Variants in HACE1 observed in about 807,000 individuals in gnomAD.
HACE1 encodes E3 ubiquitin-protein ligase HACE1.
A neutral mutation model predicts 118.4 loss-of-function variants in HACE1; 73 were observed. The ratio of observed to expected loss-of-function variants is 0.62; its 90% CI spans 0.51 to 0.75. HACE1 has a LOEUF of 0.75. HACE1 is among the 30% of genes least tolerant of loss of function. The pLI is 0.00. For synonymous variants in HACE1, 368 were observed against 374.8 expected, an observed-to-expected ratio of 0.98 and a Z score of 0.21; for missense variants, 749 against 1,102.2, an observed-to-expected ratio of 0.68 and a Z score of 4.54.
At position 104,850,953 on chromosome 6, in the gene HACE1, A is replaced by G. The variant is rs1369976684; in HGVS notation, c.175T>C (p.Tyr59His). ...CTTCTTTTCACACGTCCGAATGCATAATTGACATCAAATTTTGAATTTGAT... is the reference window on the plus strand; with the variant it reads ...CTTCTTTTCACACGTCCGAATGCATGATTGACATCAAATTTTGAATTTGAT... The part of the protein sequence containing the change: ...LLSNSKFDVN[Y>H]AFGRVKRSLL... The change falls in exon 3 of 24, where the codon TAT becomes CAT. Residue 59 changes from tyrosine to histidine, a missense_variant. Physicochemically the swap from Tyr to His is moderately conservative, Grantham distance 83. Coordinates refer to ENST00000262903, the MANE Select transcript of HACE1 (RefSeq NM_020771.4). 6.2e-7 allele frequency: 1 copy of G among 1,610,266 alleles called. No individual in the cohort carries two copies. Among genetic ancestry groups the G allele is most frequent in the Non-Finnish European group, 8.5e-7 (1 of 1,176,424 alleles).
At chr6:104,846,556 A>G (rs377316853) in intron 4 of HACE1, among the ~76,000 whole-genome samples, 99 of 152,212 alleles carry the variant, frequency 6.5e-4, no homozygotes, top group African/African-American at 2.2e-3. Flanking sequence ...TTTGGAAAGG[A>G]GGACAATCCA....
intron 7 of HACE1, among the ~76,000 whole-genome samples, chr6:104,801,652 A>G (rs1221219595): frequency 3.9e-5 from 6 of 152,236 alleles, no homozygotes; most frequent in Non-Finnish European, 8.8e-5. Flanking sequence ...AATCCTTTAC[A>G]GACATGCAAA....
At chr6:104,744,359 T>G in intron 21 of HACE1, 129 bp from the exon 22 acceptor site, 1 of 824,288 alleles carries the variant, frequency 1.2e-6, no homozygotes, top group Non-Finnish European at 2.1e-6. Context: ...AATGATTTCA[T>G]GCAAAGCTTT....
In HACE1 at chr6:104,741,331, T is replaced by A. The variant is rs1299667981; in HGVS notation, c.2513+2829A>T. Among the ~76,000 whole-genome samples the A allele has an allele frequency of 3.0e-4, 44 of 146,354 alleles. No homozygotes were observed. The South Asian group carries it at 9.4e-3, about 31-fold the overall frequency. Reference sequence around the variant, plus strand: ...CCAGGGCAATTAGGCAGGAGAAGGATATAAAGGGTATTCAATTAGGAAAAG... The same window carrying A: ...CCAGGGCAATTAGGCAGGAGAAGGAAATAAAGGGTATTCAATTAGGAAAAG... On this transcript the variant is annotated intron_variant, in intron 22 of 23. Transcript: ENST00000262903.
chr6:104,757,806 T>C lies in HACE1; in HGVS notation c.2212-7334A>G, dbSNP rs1778890810. 1.3e-5 allele frequency among the ~76,000 whole-genome samples: 2 copies of C among 152,058 alleles called. 1 individual carries two copies. Among genetic ancestry groups the C allele is most frequent in the South Asian group, 4.1e-4 (2 of 4,820 alleles). On this transcript the variant is annotated intron_variant, in intron 19 of 23. Coordinates refer to ENST00000262903, the MANE Select transcript of HACE1 (RefSeq NM_020771.4). ...GGAAGCTAAAAACCTTGAAAAAAGG[T>C]TAAACGAATGGCTAACTAGAATAAC...
chr6:104,766,619 T>A (rs1780042058), intron 19 of HACE1, among the ~76,000 whole-genome samples: 1 of 152,206 alleles, frequency 6.6e-6, no homozygotes, highest in Admixed American at 6.5e-5. Flanking sequence ...TAAAACCATA[T>A]TAAAATGAAA....
chr6:104,742,458 T>C (rs1158328189), intron 22 of HACE1, among the ~76,000 whole-genome samples: 2 of 150,574 alleles, frequency 1.3e-5, no homozygotes, highest in African/African-American at 4.9e-5. Context: ...CTCAAACAAA[T>C]TTACAAGAAA....
chr6:104,775,526 A>G (rs1052537990), intron 17 of HACE1, among the ~76,000 whole-genome samples: 3 of 152,242 alleles, frequency 2.0e-5, no homozygotes, highest in African/African-American at 7.2e-5. Context: ...GTAGACTTAG[A>G]ATAAAGGATA....
At chr6:104,773,973 G>A (rs2114725559) in intron 17 of HACE1, among the ~76,000 whole-genome samples, 1 of 151,138 alleles carries the variant, frequency 6.6e-6, no homozygotes, top group African/African-American at 2.4e-5. Context: ...AATAATAATA[G>A]CATATAATAT....
intron 22 of HACE1, among the ~76,000 whole-genome samples, chr6:104,737,712 G>C (rs903119593): frequency 6.6e-6 from 1 of 152,204 alleles, no homozygotes; most frequent in African/African-American, 2.4e-5. Flanking sequence ...TAGCACAGCA[G>C]TCTGAGACCA....
chr6:104,822,797 C>G (rs2115029186), intron 6 of HACE1, among the ~76,000 whole-genome samples: 1 of 152,142 alleles, frequency 6.6e-6, no homozygotes, highest in South Asian at 2.1e-4. Context: ...GCGGAGGTTG[C>G]AGTGAGCGGA....
At chr6:104,852,552 C>T (rs1776350354) in intron 1 of HACE1, among the ~76,000 whole-genome samples, 181 bp from the exon 2 acceptor site, 1 of 152,156 alleles carries the variant, frequency 6.6e-6, no homozygotes. Context: ...AATCTTTCAT[C>T]CCCTCCACTG....
intron 19 of HACE1, among the ~76,000 whole-genome samples, chr6:104,758,304 G>A (rs1312893511): frequency 1.3e-5 from 2 of 152,124 alleles, no homozygotes; most frequent in African/African-American, 4.8e-5. Context: ...AGAGAGAAAG[G>A]TCGGGTTACC....
rs1006112143 is a variant in HACE1 at position 104,851,133 on chromosome 6, G to A, written c.132-137C>T. 6.2e-6 allele frequency: 4 copies of A among 650,222 alleles called. No individual in the cohort carries two copies. The African/African-American group carries it at 7.2e-5, about 12-fold the overall frequency. The allele number at this position is 650,222 out of a possible 1,614,324, so 40.3% of individuals were successfully genotyped here. A position where few individuals can be genotyped will look rare whatever the true frequency, so the allele number is the denominator to read the frequency against. Reference sequence around the variant, plus strand: ...AGAGTCTTGCTCTGTCACCAGGCTGGAGTACAGTGGCGAGATCTTGGCTCA... The same window carrying A: ...AGAGTCTTGCTCTGTCACCAGGCTGAAGTACAGTGGCGAGATCTTGGCTCA... On this transcript the variant is annotated intron_variant, in intron 2 of 23. Coordinates refer to ENST00000262903, the MANE Select transcript of HACE1 (RefSeq NM_020771.4).
chr6:104,760,784 G>A (rs1314572897), intron 19 of HACE1, among the ~76,000 whole-genome samples: 1 of 152,122 alleles, frequency 6.6e-6, no homozygotes, highest in African/African-American at 2.4e-5. Flanking sequence ...GCATGATTGT[G>A]TATTTAGAAC....
Position 104,729,612 on chromosome 6 carries a change from C to T in HACE1, c.*50G>A. The T allele has an allele frequency of 1.1e-6, 1 of 912,368 alleles. No individual in the cohort carries two copies. The highest frequency in any genetic ancestry group is 1.9e-6 in the Non-Finnish European group (1 of 540,540). The allele number at this position is 912,368 out of a possible 1,614,324, so 56.5% of individuals were successfully genotyped here. ...TTGTTGACATTTTCCCAAATTACTT[C>T]TGCCATTCTGAATTGTGCATCAGTA... On this transcript the variant is annotated 3_prime_UTR_variant, in exon 24 of 24. Transcript: ENST00000262903.
chr6:104,784,874 G>C (rs897195565), intron 12 of HACE1, 111 bp downstream of exon 12: 6 of 753,704 alleles, frequency 8.0e-6, no homozygotes, highest in Non-Finnish European at 1.4e-5. Context: ...AAAACAAGGA[G>C]AAAACTTTAA....
In HACE1 at chr6:104,785,312, T is replaced by A. The variant is rs745560442; in HGVS notation, c.1082A>T (p.Glu361Val). ...TTCATCTAACGAGTGCCAAAGCAAT[T>A]CCAGAGGCTGAGAGAAACAAAAGTG... The part of the protein sequence containing the change: ...TPRSQVFKPL[E>V]LLWHSLDEWL... The change falls in exon 12 of 24, where the codon GAA becomes GTA. Residue 361 changes from glutamate (E) to valine (V), a missense_variant. Glu to Val is a moderately radical substitution (Grantham distance 121). This residue lies in a region of HACE1 where 267 missense variants were observed against 312.2 expected (regional missense o/e 0.86). Transcript: ENST00000262903. The A allele has an allele frequency of 1.3e-6, 2 of 1,588,606 alleles. No homozygotes were observed. Among genetic ancestry groups the A allele is most frequent in the East Asian group, 2.2e-5 (1 of 44,736 alleles).
At chr6:104,780,881 T>C (rs1781663264) in intron 14 of HACE1, among the ~76,000 whole-genome samples, 1 of 152,318 alleles carries the variant, frequency 6.6e-6, no homozygotes, top group Non-Finnish European at 1.5e-5. Context: ...ACCTTGATAG[T>C]TTTAAAGACT....
Sources: allele counts gnomAD v4.1 joint callset (sites outside exome capture counted in the v4.1 genomes callset), GRCh38; gene constraint gnomAD v4.1.1; regional missense constraint gnomAD v4.1.1; transcripts MANE v1.5; gene names NCBI Gene and HGNC (gene_info 2026-07-23, HGNC 2026-07-21).